Variants in ROR1 observed in about 807,000 individuals in gnomAD.
ROR1 encodes inactive tyrosine-protein kinase transmembrane receptor ROR1.
A neutral mutation model predicts 78.8 loss-of-function variants in ROR1; 19 were observed. That is an observed-to-expected ratio of 0.24 (90% confidence interval 0.17 to 0.35). The LOEUF is 0.35. Among genes scored for constraint, ROR1 ranks in the 10% least tolerant of loss-of-function variants. ROR1 has a pLI of 1.00. For missense variants in ROR1, 917 were observed against 1,177.8 expected, an observed-to-expected ratio of 0.78 and a Z score of 3.24; for synonymous variants, 386 against 433.6, an observed-to-expected ratio of 0.89 and a Z score of 1.36.
At chr1:63,817,408 G>A (rs1475655169) in intron 1 of ROR1, among the ~76,000 whole-genome samples, 1 of 152,156 alleles carries the variant, frequency 6.6e-6, no homozygotes, top group Non-Finnish European at 1.5e-5. Context: ...TGTGCTTGAT[G>A]TGCATAAACC....
intron 1 of ROR1, among the ~76,000 whole-genome samples, chr1:63,841,153 T>C (rs574752011): frequency 1.3e-5 from 2 of 152,336 alleles, no homozygotes; most frequent in African/African-American, 4.8e-5. Context: ...TCATTGCCAT[T>C]TATGAGGTAT....
chr1:63,914,462 C>G (rs1257398790), intron 1 of ROR1, among the ~76,000 whole-genome samples: 1 of 152,108 alleles, frequency 6.6e-6, no homozygotes, highest in Non-Finnish European at 1.5e-5. Context: ...CTGTGGCTGT[C>G]CCCAGTATTT....
chr1:63,894,436 T>C (rs2100393624), intron 1 of ROR1, among the ~76,000 whole-genome samples: 1 of 140,104 alleles, frequency 7.1e-6, no homozygotes, highest in South Asian at 2.6e-4. Flanking sequence ...ATTGCATTGA[T>C]CTCTGCAAAA....
In ROR1 at chr1:64,043,381, G is replaced by A. The variant is rs6700897; in HGVS notation, c.164-6310G>A. On this transcript the variant is annotated intron_variant, in intron 2 of 8. Transcript: ENST00000371079. The stretch of plus-strand genomic sequence containing the variant: ...TTCACAATAACACATGAAGTGCTGA[G>A]GGGAATACAAAAAATGTAAAAAGGA... 2.8e-3 allele frequency among the ~76,000 whole-genome samples: 420 copies of A among 152,294 alleles called. 3 individuals carry two copies. The highest frequency in any genetic ancestry group is 9.6e-3 in the African/African-American group (398 of 41,568).
intron 4 of ROR1, among the ~76,000 whole-genome samples, chr1:64,081,905 A>G (rs1385265260): frequency 2.0e-5 from 3 of 152,164 alleles, no homozygotes; most frequent in African/African-American, 7.2e-5. Flanking sequence ...ACTATTACCA[A>G]GAGTTTATAC....
intron 4 of ROR1, among the ~76,000 whole-genome samples, chr1:64,078,227 G>C (rs551663382): frequency 6.6e-5 from 10 of 152,120 alleles, no homozygotes; most frequent in Non-Finnish European, 1.3e-4. Context: ...ATCTCTCTGG[G>C]AAAGGCCATG....
chr1:63,959,108 C>T (rs1646006854), intron 1 of ROR1, among the ~76,000 whole-genome samples: 1 of 152,172 alleles, frequency 6.6e-6, no homozygotes. Context: ...AGGAAACTTA[C>T]AATCATGACT....
At chr1:64,088,659 C>T (rs1457891053) in intron 4 of ROR1, among the ~76,000 whole-genome samples, 3 of 152,064 alleles carry the variant, frequency 2.0e-5, no homozygotes, top group Non-Finnish European at 4.4e-5. Context: ...CAGTTCTGAT[C>T]CCACCATTTG....
rs543905293 is a variant in ROR1 at position 64,040,268 on chromosome 1, C to T, written c.164-9423C>T. Among the ~76,000 whole-genome samples, 165 of 152,240 alleles carry T rather than the reference C, an allele frequency of 1.1e-3. 1 individual carries two copies. The highest frequency in any genetic ancestry group is 1.8e-3 in the Admixed American group (27 of 15,276). On this transcript the variant is annotated intron_variant, in intron 2 of 8. Transcript: ENST00000371079. ...TTTCACCAAAACTCAAGGACCAATT[C>T]TCAAGCCAGAAACTTTGTATTCAAA...
intron 4 of ROR1, among the ~76,000 whole-genome samples, chr1:64,065,501 A>C (rs529298669): frequency 6.6e-6 from 1 of 152,328 alleles, no homozygotes; most frequent in East Asian, 1.9e-4. Context: ...TAGGTAATGC[A>C]GGGGTCCCAG....
chr1:63,911,950 C>G (rs76868931), intron 1 of ROR1, among the ~76,000 whole-genome samples: 5 of 151,916 alleles, frequency 3.3e-5, no homozygotes, highest in Non-Finnish European at 7.4e-5. Context: ...TCACCTGCCA[C>G]GTGTGTGTGG....
At chr1:63,810,745 C>G (rs1273010653) in intron 1 of ROR1, among the ~76,000 whole-genome samples, 1 of 152,144 alleles carries the variant, frequency 6.6e-6, no homozygotes, top group East Asian at 1.9e-4. Flanking sequence ...TAGGGGATGT[C>G]TCATTTAGCT....
intron 8 of ROR1, among the ~76,000 whole-genome samples, chr1:64,176,706 G>T (rs1400814539): frequency 2.0e-5 from 3 of 152,170 alleles, no homozygotes; most frequent in Admixed American, 1.3e-4. Context: ...CCTGAAACAG[G>T]CTTTTTAGAA....
chr1:63,919,136 TG>T (rs1456508805), intron 1 of ROR1, among the ~76,000 whole-genome samples: 1 of 152,186 alleles, frequency 6.6e-6, no homozygotes, highest in Non-Finnish European at 1.5e-5. Context: ...AGGGTAGGAC[TG>T]GTTCTCTTCA....
intron 4 of ROR1, among the ~76,000 whole-genome samples, chr1:64,132,985 C>T (rs959121104): frequency 2.0e-5 from 3 of 152,018 alleles, no homozygotes; most frequent in Non-Finnish European, 4.4e-5. Context: ...GTCTCCTCAT[C>T]TCTTCTAGTT....
chr1:63,780,994 T>C (rs2100220636), intron 1 of ROR1, among the ~76,000 whole-genome samples: 1 of 152,266 alleles, frequency 6.6e-6, no homozygotes, highest in South Asian at 2.1e-4. Context: ...CCATTTAAAT[T>C]TTCTGAGTAG....
intron 1 of ROR1, among the ~76,000 whole-genome samples, chr1:63,855,502 C>A (rs1392114518): frequency 1.3e-5 from 2 of 152,082 alleles, no homozygotes; most frequent in East Asian, 3.8e-4. Context: ...TTCCCTTTTT[C>A]CCTCTGTATC....
chr1:63,977,468 G>A (rs180939460), intron 1 of ROR1, among the ~76,000 whole-genome samples: 86 of 152,126 alleles, frequency 5.7e-4, no homozygotes, highest in Non-Finnish European at 1.1e-3. Flanking sequence ...TCAACCTGTA[G>A]TGAGTTGGCT....
At chr1:64,076,017 G>T (rs1322809729) in intron 4 of ROR1, among the ~76,000 whole-genome samples, 1 of 152,192 alleles carries the variant, frequency 6.6e-6, no homozygotes, top group Non-Finnish European at 1.5e-5. Context: ...CTATCAAGAG[G>T]TGTTACTGTG....
Sources: allele counts gnomAD v4.1 joint callset (sites outside exome capture counted in the v4.1 genomes callset), GRCh38; gene constraint gnomAD v4.1.1; transcripts MANE v1.5; gene names NCBI Gene and HGNC (gene_info 2026-07-23, HGNC 2026-07-21).